Variants in TSGA10 observed in about 807,000 individuals in gnomAD.
TSGA10 encodes the protein testis specific 10.
TSGA10 carries 43 observed loss-of-function variants against 96.6 expected under a neutral mutation model. The observed-to-expected ratio is 0.44, with a 90% confidence interval of 0.35 to 0.57. The LOEUF is 0.57. TSGA10 is among the 20% of genes least tolerant of loss of function. The probability of loss-of-function intolerance (pLI) is 0.01; values close to 1 mark genes in which losing one functional copy is unlikely to be tolerated. For missense variants in TSGA10, 703 were observed against 834.4 expected, an observed-to-expected ratio of 0.84 and a Z score of 1.94; for synonymous variants, 229 against 269.9, an observed-to-expected ratio of 0.85 and a Z score of 1.48.
At chr2:99,015,843 C>T (rs1441712705) in intron 20 of TSGA10, among the ~76,000 whole-genome samples, 1 of 152,162 alleles carries the variant, frequency 6.6e-6, no homozygotes, top group African/African-American at 2.4e-5. Context: ...CTGCTATACA[C>T]CAACAGCAAT....
chr2:99,071,376 A>AT lies in TSGA10; in HGVS notation c.1107+329dup, dbSNP rs200051612. On this transcript the variant is annotated intron_variant, in intron 14 of 20. Transcript: ENST00000393483. ...CTTAAAACAGAATAATATGTAGTCCATTTTTTTAAAAAAAAAACACCTATT... is the reference window on the plus strand; with the variant it reads ...CTTAAAACAGAATAATATGTAGTCCATTTTTTTTAAAAAAAAAACACCTATT... 9.3e-3 allele frequency among the ~76,000 whole-genome samples: 1,192 copies of AT among 128,642 alleles called. 11 individuals carry two copies. Among genetic ancestry groups the AT allele is most frequent in the African/African-American group, 0.016 (466 of 28,502 alleles). 84.4% of individuals were successfully genotyped at this position (128,642 alleles called of 152,430 possible). A position where few individuals can be genotyped will look rare whatever the true frequency, so the allele number is the denominator to read the frequency against.
chr2:99,112,627 CAA>C (rs2091910004), intron 4 of TSGA10, among the ~76,000 whole-genome samples: 1 of 151,592 alleles, frequency 6.6e-6, no homozygotes, highest in South Asian at 2.1e-4. Flanking sequence ...ACATTGCAGG[CAA>C]AAGTTACAGC....
At chr2:99,141,604 C>T (rs2093558396) in intron 1 of TSGA10, 3 of 142,432 alleles carry the variant, frequency 2.1e-5, no homozygotes, top group African/African-American at 7.5e-5. Context: ...GCCGAGCGTC[C>T]CGTCTCCTAG....
At chr2:99,125,656 A>T (rs1446471388) in intron 2 of TSGA10, 1 of 152,170 alleles carries the variant, frequency 6.6e-6, no homozygotes, top group Non-Finnish European at 1.5e-5. Flanking sequence ...GCCTCCTGTG[A>T]CAATGCTCCA....
In TSGA10 at chr2:98,997,446, G is replaced by T. The variant is rs1415972966; in HGVS notation, c.*751C>A. 3 of 151,984 alleles carry T rather than the reference G, an allele frequency of 2.0e-5. No homozygotes were observed. Among genetic ancestry groups the T allele is most frequent in the Non-Finnish European group, 2.9e-5 (2 of 67,956 alleles). The allele number at this position is 151,984 out of a possible 1,614,324, so 9.4% of individuals were successfully genotyped here. A position where few individuals can be genotyped will look rare whatever the true frequency, so the allele number is the denominator to read the frequency against. Reference sequence around the variant, plus strand: ...ACTTATCTTATTACTCCAGATTACAGACAGCTGCCACAGACAATAAAATAA... The same window carrying T: ...ACTTATCTTATTACTCCAGATTACATACAGCTGCCACAGACAATAAAATAA... On this transcript the variant is annotated 3_prime_UTR_variant, in exon 21 of 21. Coordinates refer to ENST00000393483, the MANE Select transcript of TSGA10 (RefSeq NM_025244.4).
intron 2 of TSGA10, chr2:99,125,232 C>A (rs989085732): frequency 2.6e-5 from 4 of 152,180 alleles, no homozygotes; most frequent in Non-Finnish European, 5.9e-5. Flanking sequence ...GAATACTATT[C>A]CACTGTATAG....
At chr2:99,060,092 G>C (rs1033831847) in intron 16 of TSGA10, among the ~76,000 whole-genome samples, 1 of 152,064 alleles carries the variant, frequency 6.6e-6, no homozygotes, top group Non-Finnish European at 1.5e-5. Context: ...GTTCTGAGAA[G>C]AGTAAAAGAG....
Position 99,018,633 on chromosome 2 carries a change from G to T in TSGA10, c.1825C>A (p.Gln609Lys). ...LCLAENKMAIQSRDVAQFRNV... is the reference protein window; with the variant it reads ...LCLAENKMAIKSRDVAQFRNV... ...CTGAACTGGGCCACATCTCTACTCT[G>T]GATGGCCCTGTTTAAAAGAAGATAA... Residue 609 changes from glutamine (Q) to lysine (K), a missense_variant, in exon 19 of 21, where the codon CAG becomes AAG. Gln to Lys is a moderately conservative substitution (Grantham distance 53, BLOSUM62 1). This residue lies in a region of TSGA10 where 49 missense variants were observed against 96.4 expected (regional missense o/e 0.51). Coordinates refer to ENST00000393483, the MANE Select transcript of TSGA10 (RefSeq NM_025244.4). 6.2e-7 allele frequency: 1 copy of T among 1,610,970 alleles called. No homozygotes were observed. The highest frequency in any genetic ancestry group is 2.2e-5 in the East Asian group (1 of 44,844).
chr2:99,018,631 C>G lies in TSGA10; in HGVS notation c.1827G>C (p.Gln609His). The G allele has an allele frequency of 6.2e-7, 1 of 1,610,904 alleles. No homozygotes were observed. The highest frequency in any genetic ancestry group is 8.5e-7 in the Non-Finnish European group (1 of 1,179,072). The change falls in exon 19 of 21, where the codon CAG (glutamine) becomes CAC (histidine). Residue 609 changes from glutamine (Q) to histidine (H), a missense_variant. Gln to His is a conservative substitution (Grantham distance 24, BLOSUM62 0). Transcript: ENST00000393483. Reference sequence around the variant, plus strand: ...TTCTGAACTGGGCCACATCTCTACTCTGGATGGCCCTGTTTAAAAGAAGAT... The same window carrying G: ...TTCTGAACTGGGCCACATCTCTACTGTGGATGGCCCTGTTTAAAAGAAGAT... ...LCLAENKMAI[Q>H]SRDVAQFRNV... is the part of the protein sequence containing the mutation.
chr2:99,065,533 A>G (rs2104467716), intron 15 of TSGA10, among the ~76,000 whole-genome samples: 1 of 152,184 alleles, frequency 6.6e-6, no homozygotes, highest in East Asian at 1.9e-4. Flanking sequence ...TTCTTGACCA[A>G]TTTACCGGGC....
chr2:99,091,199 CT>C (rs2089279178), intron 10 of TSGA10, among the ~76,000 whole-genome samples: 1 of 152,094 alleles, frequency 6.6e-6, no homozygotes, highest in South Asian at 2.1e-4. Flanking sequence ...AGGAAAGAGT[CT>C]TTTTCAGACA....
chr2:99,067,375 A>C (rs2085379233), intron 15 of TSGA10, among the ~76,000 whole-genome samples: 1 of 152,246 alleles, frequency 6.6e-6, no homozygotes, highest in Admixed American at 6.5e-5. Context: ...TAAAATCCCC[A>C]GCACTTCGGA....
chr2:99,114,364 A>G (rs1007756822), intron 4 of TSGA10, among the ~76,000 whole-genome samples: 1 of 152,094 alleles, frequency 6.6e-6, no homozygotes, highest in Admixed American at 6.5e-5. Context: ...CATCTTTCTA[A>G]TCCCCATTCT....
intron 17 of TSGA10, among the ~76,000 whole-genome samples, chr2:99,029,907 CA>C (rs879723393): frequency 4.6e-5 from 7 of 152,138 alleles, no homozygotes; most frequent in Non-Finnish European, 8.8e-5. Context: ...CAAGAAAAGG[CA>C]AACAGATCAG....
At position 99,141,181 on chromosome 2, in the gene TSGA10, A is replaced by T. The variant is rs575913129; in HGVS notation, c.-621+13512T>A. ...TCTCGGCCTCAGCGGGGGATACAAG[A>T]ACCGCCCACTCTCCATCCTCCGCCC... is the stretch of plus-strand genomic sequence containing the variant. On this transcript the variant is annotated intron_variant, in intron 1 of 20. Transcript: ENST00000393483. The T allele has an allele frequency of 1.1e-4, 133 of 1,231,022 alleles. 1 individual carries two copies. The African/African-American group carries it at 2.0e-3, about 18-fold the overall frequency. The allele number at this position is 1,231,022 out of a possible 1,614,324, so 76.3% of individuals were successfully genotyped here.
chr2:99,030,876 G>A lies in TSGA10; in HGVS notation c.1614+4354C>T, dbSNP rs889733879. 2.6e-5 allele frequency among the ~76,000 whole-genome samples: 4 copies of A among 152,096 alleles called. No homozygotes were observed. The East Asian group carries it at 5.8e-4, about 22-fold the overall frequency. The stretch of plus-strand genomic sequence containing the variant: ...GGAAAATCTAAATAAGACATACCAC[G>A]TTCATGAATTGGAGGCCTTAGCATA... On this transcript the variant is annotated intron_variant, in intron 17 of 20. Coordinates refer to ENST00000393483, the MANE Select transcript of TSGA10 (RefSeq NM_025244.4).
chr2:99,091,297 T>C (rs1414727618), intron 10 of TSGA10, among the ~76,000 whole-genome samples: 1 of 152,074 alleles, frequency 6.6e-6, no homozygotes, highest in African/African-American at 2.4e-5. Context: ...AAATCCTCAA[T>C]ATACATCAAA....
At chr2:99,043,949 G>T (rs2082468735) in intron 16 of TSGA10, among the ~76,000 whole-genome samples, 2 of 152,140 alleles carry the variant, frequency 1.3e-5, no homozygotes. Flanking sequence ...AAGAGAAGGA[G>T]AAATAAAATC....
rs560701009 is a variant in TSGA10 at position 99,079,542 on chromosome 2, A to G, written c.728-729T>C. On this transcript the variant is annotated intron_variant, in intron 11 of 20. Coordinates refer to ENST00000393483, the MANE Select transcript of TSGA10 (RefSeq NM_025244.4). ...GGAGGGCACAGCAATTTATGCTTTA[A>G]AAACTCCTTCTTTCCCCAGTGATTC... Among the ~76,000 whole-genome samples the G allele has an allele frequency of 2.0e-3, 312 of 152,290 alleles. 3 individuals are homozygous for G. The highest frequency in any genetic ancestry group is 7.2e-3 in the African/African-American group (301 of 41,568).
Sources: gnomAD v4.1 joint callset for allele counts (sites outside exome capture counted in the v4.1 genomes callset) on GRCh38, gnomAD v4.1.1 for gene constraint, gnomAD v4.1.1 regional missense constraint, MANE v1.5 for transcripts, NCBI Gene and HGNC (gene_info 2026-07-23, HGNC 2026-07-21) for gene names.